SAMD4A: variants seen among roughly 807,000 people sequenced by gnomAD.
SAMD4A encodes the protein protein Smaug homolog 1.
A neutral mutation model predicts 81.3 loss-of-function variants in SAMD4A; 33 were observed. That is an observed-to-expected ratio of 0.41 (90% CI 0.31 to 0.54). SAMD4A has a LOEUF of 0.54. SAMD4A is among the 20% of genes least tolerant of loss of function. SAMD4A has a pLI of 0.37. For missense variants in SAMD4A, 854 were observed against 951.1 expected (o/e 0.90, Z 1.34); for synonymous variants, 389 against 382.1 (o/e 1.02, Z -0.21).
chr14:54,572,944 C>T (rs1416305753), intron 2 of SAMD4A, among the ~76,000 whole-genome samples: 1 of 152,106 alleles, frequency 6.6e-6, no homozygotes, highest in Non-Finnish European at 1.5e-5. Flanking sequence ...TCTACTGGGA[C>T]CCACCTTCTA....
chr14:54,725,165 A>C (rs1203452892), intron 3 of SAMD4A, among the ~76,000 whole-genome samples: 1 of 152,242 alleles, frequency 6.6e-6, no homozygotes, highest in East Asian at 1.9e-4. Context: ...TCTCAGCCTG[A>C]ATTTCTTAAA....
intron 2 of SAMD4A, among the ~76,000 whole-genome samples, chr14:54,602,887 C>T (rs1322106967): frequency 1.3e-5 from 2 of 152,228 alleles, no homozygotes; most frequent in Non-Finnish European, 2.9e-5. Flanking sequence ...TTCAAGTGCA[C>T]ACTGGGGACC....
At chr14:54,671,756 G>A (rs80235742) in intron 2 of SAMD4A, among the ~76,000 whole-genome samples, 6,178 of 152,312 alleles carry the variant, frequency 0.041, 150 homozygotes, top group Middle Eastern at 0.14. Flanking sequence ...AGTGAATGTG[G>A]CAATGAACCA....
chr14:54,785,523 C>T (rs905350002), intron 12 of SAMD4A, among the ~76,000 whole-genome samples: 18 of 152,122 alleles, frequency 1.2e-4, no homozygotes, highest in African/African-American at 3.9e-4. Flanking sequence ...TAGCCCTATC[C>T]AGTCTACACT....
intron 2 of SAMD4A, among the ~76,000 whole-genome samples, chr14:54,606,837 T>C (rs924015904): frequency 6.6e-6 from 1 of 152,198 alleles, no homozygotes; most frequent in African/African-American, 2.4e-5. Flanking sequence ...ACTGTGGAAA[T>C]TTTGTGGTCA....
intron 3 of SAMD4A, among the ~76,000 whole-genome samples, chr14:54,723,674 C>T (rs578131697): frequency 7.0e-4 from 107 of 152,284 alleles, no homozygotes; most frequent in African/African-American, 2.3e-3. Flanking sequence ...CTAGCTTCTG[C>T]GTGTTTCTGA....
At chr14:54,613,503 T>C (rs1057334811) in intron 2 of SAMD4A, among the ~76,000 whole-genome samples, 1 of 152,182 alleles carries the variant, frequency 6.6e-6, no homozygotes, top group African/African-American at 2.4e-5. Flanking sequence ...GTTGAAAAAG[T>C]TACCTTCTCT....
intron 6 of SAMD4A, among the ~76,000 whole-genome samples, chr14:54,755,614 T>G (rs934584998): frequency 1.3e-5 from 2 of 152,024 alleles, no homozygotes; most frequent in Non-Finnish European, 2.9e-5. Context: ...TCCTCTGAAA[T>G]TGGCCCTCAG....
At chr14:54,765,625 C>CG (rs2038517984) in intron 8 of SAMD4A, among the ~76,000 whole-genome samples, 1 of 151,138 alleles carries the variant, frequency 6.6e-6, no homozygotes, top group Non-Finnish European at 1.5e-5. Context: ...AGACTTGTCT[C>CG]GGGGAAAAAA....
chr14:54,756,651 T>C (rs1214780418), intron 6 of SAMD4A, among the ~76,000 whole-genome samples: 1 of 152,222 alleles, frequency 6.6e-6, no homozygotes, highest in African/African-American at 2.4e-5. Flanking sequence ...TCCTGTCTAT[T>C]ATGTGAGAAT....
intron 3 of SAMD4A, among the ~76,000 whole-genome samples, chr14:54,719,460 G>T (rs776900872): frequency 7.2e-5 from 11 of 152,142 alleles, no homozygotes; most frequent in Non-Finnish European, 1.5e-4. Context: ...TCTAGCAATG[G>T]AGGCGGCCTG....
At chr14:54,601,474 C>T (rs887355520) in intron 2 of SAMD4A, among the ~76,000 whole-genome samples, 3 of 152,166 alleles carry the variant, frequency 2.0e-5, no homozygotes, top group Admixed American at 6.5e-5. Context: ...TGAACTTCTC[C>T]TTTGTCCTTT....
chr14:54,776,672 T>C, intron 11 of SAMD4A, 132 bp downstream of exon 11: 2 of 1,123,404 alleles, frequency 1.8e-6, no homozygotes, highest in African/African-American at 3.2e-5. Flanking sequence ...AGCCTTTCCT[T>C]TTTTAAACTG....
chr14:54,718,547 T>G (rs1390279481), intron 3 of SAMD4A, among the ~76,000 whole-genome samples: 6 of 151,800 alleles, frequency 4.0e-5, no homozygotes, highest in South Asian at 4.2e-4. Context: ...CTAGTTTTTT[T>G]GGGTTTTTTG....
In SAMD4A at chr14:54,632,248, A is replaced by G. The variant is rs572582628; in HGVS notation, c.196+64136A>G. ...AAAAAATGCAAACGATTATACGGTA[A>G]TGATTTGGCTGTACCCTTTTTCCTT... On this transcript the variant is annotated intron_variant, in intron 2 of 12. Transcript: ENST00000554335. Among the ~76,000 whole-genome samples the G allele has an allele frequency of 5.8e-4, 88 of 152,332 alleles. 2 individuals are homozygous for G. The South Asian group carries it at 7.9e-3, about 14-fold the overall frequency.
chr14:54,617,323 T>C (rs567585273), intron 2 of SAMD4A, among the ~76,000 whole-genome samples: 1 of 152,338 alleles, frequency 6.6e-6, no homozygotes, highest in South Asian at 2.1e-4. Flanking sequence ...CATTAAAACA[T>C]ACAAATGATC....
chr14:54,668,490 G>A (rs1458543919), intron 2 of SAMD4A, among the ~76,000 whole-genome samples: 2 of 152,206 alleles, frequency 1.3e-5, no homozygotes, highest in African/African-American at 4.8e-5. Flanking sequence ...AGGGGTTAAT[G>A]ACAGTATTGG....
chr14:54,650,758 T>C (rs1249088650), intron 2 of SAMD4A, among the ~76,000 whole-genome samples: 2 of 152,194 alleles, frequency 1.3e-5, no homozygotes, highest in Admixed American at 6.5e-5. Flanking sequence ...GAGCTTATTC[T>C]GTCATCTTGT....
At chr14:54,598,200 C>T (rs1376088644) in intron 2 of SAMD4A, among the ~76,000 whole-genome samples, 1 of 152,170 alleles carries the variant, frequency 6.6e-6, no homozygotes. Flanking sequence ...TAGAAAATGA[C>T]ACAGTCAGCG....
Sources: allele counts gnomAD v4.1 joint callset (sites outside exome capture counted in the v4.1 genomes callset), GRCh38; gene constraint gnomAD v4.1.1; transcripts MANE v1.5; gene names NCBI Gene and HGNC (gene_info 2026-07-23, HGNC 2026-07-21).